The following IQSEC1 variants were observed in gnomAD, a reference collection of about 807,000 sequenced individuals.
IQSEC1 encodes the protein IQ motif and SEC7 domain-containing protein 1.
In IQSEC1, 31 loss-of-function variants were observed where a neutral mutation model predicts 91.0. The observed-to-expected ratio is 0.34, with a 90% CI of 0.26 to 0.46. The LOEUF (loss-of-function observed/expected upper bound fraction) is 0.46, where lower values mean the gene tolerates loss of function less well. Ranked by LOEUF, IQSEC1 falls within the 20% of genes least tolerant of loss-of-function variation. The pLI is 1.00. For missense variants in IQSEC1, 1,388 were observed against 1,575.6 expected, an observed-to-expected ratio of 0.88 and a Z score of 2.02; for synonymous variants, 699 against 662.6, an observed-to-expected ratio of 1.05 and a Z score of -0.84.
chr3:13,240,086 A>C (rs1014389365), intron 1 of IQSEC1, among the ~76,000 whole-genome samples: 3 of 152,068 alleles, frequency 2.0e-5, no homozygotes, highest in African/African-American at 7.3e-5. Context: ...AAAAAAAAAC[A>C]AACCTTGGCC....
intron 2 of IQSEC1, among the ~76,000 whole-genome samples, chr3:13,109,758 C>T (rs555569312): frequency 1.3e-4 from 20 of 151,794 alleles, no homozygotes; most frequent in Admixed American, 9.2e-4. Flanking sequence ...CCATGCTTCC[C>T]GTATAGCCTG....
At chr3:13,098,054 C>T (rs1397431136) in intron 2 of IQSEC1, among the ~76,000 whole-genome samples, 3 of 152,226 alleles carry the variant, frequency 2.0e-5, no homozygotes, top group Non-Finnish European at 4.4e-5. Context: ...GGCAGTGGTG[C>T]CCTCAATGTC....
Position 12,909,349 on chromosome 3 carries a change from T to C in IQSEC1, c.2502A>G (p.Gln834=), listed in dbSNP as rs1695338722. The C allele has an allele frequency of 6.2e-7, 1 of 1,614,078 alleles. No homozygotes were observed. Among genetic ancestry groups the C allele is most frequent in the African/African-American group, 1.3e-5 (1 of 74,936 alleles). ...GGTCATCGGTGAATTTCTTCCGGTCTTGAGGGTTGGGGGCGTTGAAGTTTA... is the reference window on the plus strand; with the variant it reads ...GGTCATCGGTGAATTTCTTCCGGTCCTGAGGGTTGGGGGCGTTGAAGTTTA... ...VLINFNAPNP[Q]DRKKFTDDLR... Residue 834 remains glutamine (Q), a synonymous_variant, in exon 11 of 14, where the codon CAA becomes CAG. Transcript: ENST00000613206. This position sits in a 1 kb window ranked among gnomAD's most constrained non-coding sequence, Gnocchi z 4.9.
chr3:12,904,286 G>A (rs1466044228), intron 12 of IQSEC1, among the ~76,000 whole-genome samples: 1 of 152,216 alleles, frequency 6.6e-6, no homozygotes, highest in African/African-American at 2.4e-5. Context: ...GTCCAGGTGG[G>A]AGTTGGGGTC....
chr3:12,999,534 AC>A (rs955962365), intron 1 of IQSEC1, among the ~76,000 whole-genome samples: 4 of 152,140 alleles, frequency 2.6e-5, no homozygotes, highest in African/African-American at 9.7e-5. Context: ...GGGACAGATG[AC>A]ACAGCACTGG....
chr3:13,089,249 C>T (rs1381505013), intron 2 of IQSEC1, among the ~76,000 whole-genome samples: 3 of 152,196 alleles, frequency 2.0e-5, no homozygotes, highest in African/African-American at 4.8e-5. Context: ...ATAAACAATG[C>T]GATCTGTCCA....
intron 1 of IQSEC1, among the ~76,000 whole-genome samples, chr3:13,174,896 G>A (rs550898160): frequency 1.6e-5 from 2 of 128,864 alleles, no homozygotes; most frequent in East Asian, 2.3e-4. Context: ...CAGTCCTCCC[G>A]GTGTTTCTCA....
At chr3:13,022,182 C>T (rs1287362237) in intron 1 of IQSEC1, 15 of 1,231,328 alleles carry the variant, frequency 1.2e-5, no homozygotes, top group East Asian at 9.5e-5. Context: ...GGCCAGGGAA[C>T]GGCTCTCTTC....
At chr3:12,936,763 C>T (rs1698242903) in intron 2 of IQSEC1, 66 bp from the exon 3 acceptor site, 3 of 1,423,466 alleles carry the variant, frequency 2.1e-6, no homozygotes, top group Non-Finnish European at 2.8e-6. Context: ...TTACCAAACT[C>T]CTTCCCACTT....
chr3:13,107,776 T>C (rs1706175660), intron 2 of IQSEC1, among the ~76,000 whole-genome samples: 1 of 152,226 alleles, frequency 6.6e-6, no homozygotes, highest in South Asian at 2.1e-4. Context: ...ATGATCCAGT[T>C]AAGCCCCAGT....
intron 1 of IQSEC1, among the ~76,000 whole-genome samples, chr3:13,196,868 G>T (rs1193274692): frequency 6.6e-6 from 1 of 152,014 alleles, no homozygotes; most frequent in Non-Finnish European, 1.5e-5. Context: ...TTGTCTCTCA[G>T]GCCACACAGG....
chr3:13,057,247 T>C (rs1430657139), intron 1 of IQSEC1, among the ~76,000 whole-genome samples: 2 of 152,212 alleles, frequency 1.3e-5, no homozygotes, highest in Non-Finnish European at 2.9e-5. Context: ...AGCCAGGGGA[T>C]GGAGGTGGCC....
intron 2 of IQSEC1, among the ~76,000 whole-genome samples, chr3:13,089,391 G>GCAA (rs1705798223): frequency 6.6e-6 from 1 of 152,196 alleles, no homozygotes; most frequent in African/African-American, 2.4e-5. Flanking sequence ...ACCATACTGG[G>GCAA]CAACACAGTG....
At chr3:13,208,983 G>A (rs984061722) in intron 1 of IQSEC1, among the ~76,000 whole-genome samples, 1 of 152,228 alleles carries the variant, frequency 6.6e-6, no homozygotes, top group African/African-American at 2.4e-5. Context: ...ACACCCCAAG[G>A]AAGCAGTGTG....
At chr3:13,050,128 C>A (rs1704642241) in intron 1 of IQSEC1, among the ~76,000 whole-genome samples, 1 of 149,896 alleles carries the variant, frequency 6.7e-6, no homozygotes, top group Non-Finnish European at 1.5e-5. Context: ...TGCCTCGGTG[C>A]CCCACCCCTC....
intron 1 of IQSEC1, among the ~76,000 whole-genome samples, chr3:13,069,138 C>T (rs978520697): frequency 6.6e-6 from 1 of 152,234 alleles, no homozygotes; most frequent in African/African-American, 2.4e-5. Context: ...TAGCCCAGTG[C>T]TGTGTGGGTC....
rs1451757364 is a variant in IQSEC1 at position 13,167,323 on chromosome 3, G to A, written c.273-3190C>T. On this transcript the variant is annotated intron_variant, in intron 1 of 15. Transcript: ENST00000648114. ...AGGGAGGTGAGAAGAGAAAGAGAAG[G>A]GGGCTAACAATGGCTGTTATCAAGC... 2.6e-5 allele frequency among the ~76,000 whole-genome samples: 4 copies of A among 152,116 alleles called. No individual in the cohort carries two copies. The East Asian group carries it at 7.7e-4, about 29-fold the overall frequency.
upstream of IQSEC1, among the ~76,000 whole-genome samples, chr3:13,073,611 C>T (rs1705509562): frequency 1.3e-5 from 2 of 152,236 alleles, no homozygotes. Context: ...GGGCGCCGGC[C>T]CCTTCCTGGC....
At chr3:13,035,986 T>C (rs539431625) in intron 1 of IQSEC1, among the ~76,000 whole-genome samples, 18 of 152,134 alleles carry the variant, frequency 1.2e-4, no homozygotes, top group Non-Finnish European at 2.4e-4. Flanking sequence ...GCCAGTAGCA[T>C]TTGCAAGGTG....
Sources: gnomAD v4.1 joint callset for allele counts (sites outside exome capture counted in the v4.1 genomes callset) on GRCh38, gnomAD v4.1.1 for gene constraint, Gnocchi (gnomAD v3.1) non-coding constraint, MANE v1.5 for transcripts, NCBI Gene and HGNC (gene_info 2026-07-23, HGNC 2026-07-21) for gene names.